Variants in DNAH11 observed in about 807,000 individuals in gnomAD.
DNAH11 encodes dynein axonemal heavy chain 11.
Under a neutral mutation model 526.0 loss-of-function variants are expected in DNAH11, and 442 were observed. The observed-to-expected ratio is 0.84, with a 90% CI of 0.78 to 0.91. The LOEUF (loss-of-function observed/expected upper bound fraction) is 0.91, where lower values mean the gene tolerates loss of function less well. Ranked by LOEUF, DNAH11 falls within the 40% of genes least tolerant of loss-of-function variation. The pLI, the probability that DNAH11 is intolerant of heterozygous loss-of-function variation, is 0.00. For missense variants in DNAH11, 6,989 were observed against 5,448.7 expected, an observed-to-expected ratio of 1.28 and a Z score of -8.90; for synonymous variants, 2,461 against 1,935.9, an observed-to-expected ratio of 1.27 and a Z score of -7.12.
chr7:21,673,356 C>T (rs751971771), intron 30 of DNAH11, among the ~76,000 whole-genome samples: 3 of 152,180 alleles, frequency 2.0e-5, no homozygotes, highest in Non-Finnish European at 4.4e-5. Context: ...GTGCCTACTT[C>T]GTAGAGTTGT....
chr7:21,564,060 AGGAACT>A (rs1783566063), intron 5 of DNAH11, 120 bp from the exon 6 acceptor site: 45 of 609,350 alleles, frequency 7.4e-5, no homozygotes, highest in South Asian at 3.2e-4. Context: ...GTAATATAAA[AGGAACT>A]ATGACAACAT....
At chr7:21,750,425 C>A in intron 54 of DNAH11, 61 bp downstream of exon 54, 1 of 1,533,420 alleles carries the variant, frequency 6.5e-7, no homozygotes, top group South Asian at 1.3e-5. Context: ...CTCTCTGGTT[C>A]TATTCTGAGT....
intron 66 of DNAH11, among the ~76,000 whole-genome samples, chr7:21,848,748 G>A (rs1004132452): frequency 2.6e-5 from 4 of 151,844 alleles, no homozygotes; most frequent in Non-Finnish European, 4.4e-5. Flanking sequence ...CATTTTATAT[G>A]ATTCTAGTAT....
At chr7:21,576,447 A>G (rs115237650) in intron 8 of DNAH11, among the ~76,000 whole-genome samples, 3,175 of 152,320 alleles carry the variant, frequency 0.021, 110 homozygotes, top group African/African-American at 0.071. Flanking sequence ...GAAGATCTTA[A>G]TACTGACTCA....
chr7:21,611,333 C>T (rs1279928230), intron 20 of DNAH11, among the ~76,000 whole-genome samples: 1 of 152,168 alleles, frequency 6.6e-6, no homozygotes, highest in South Asian at 2.1e-4. Context: ...ATTACCCTAT[C>T]AGCTTTCCTG....
chr7:21,831,431 G>A (rs989407739), intron 65 of DNAH11, among the ~76,000 whole-genome samples: 2 of 152,104 alleles, frequency 1.3e-5, no homozygotes, highest in Admixed American at 1.3e-4. Flanking sequence ...AAAACCCACT[G>A]AGTCATTATA....
At chr7:21,636,252 G>T (rs1180251712) in intron 26 of DNAH11, among the ~76,000 whole-genome samples, 157 bp downstream of exon 26, 1 of 152,190 alleles carries the variant, frequency 6.6e-6, no homozygotes, top group Non-Finnish European at 1.5e-5. Flanking sequence ...ATTTCAGGCT[G>T]TGTGGATCAT....
chr7:21,632,602 C>T (rs1054786006), intron 25 of DNAH11, among the ~76,000 whole-genome samples: 2 of 152,162 alleles, frequency 1.3e-5, no homozygotes, highest in Admixed American at 1.3e-4. Context: ...CCACCAGTCT[C>T]TTTGCTAAAA....
chr7:21,547,672 C>T (rs1782855373), intron 2 of DNAH11, among the ~76,000 whole-genome samples: 1 of 152,212 alleles, frequency 6.6e-6, no homozygotes, highest in Non-Finnish European at 1.5e-5. Flanking sequence ...GTTCCTTTAT[C>T]ATGACTTTCT....
chr7:21,641,494 C>G (rs1434052228), intron 28 of DNAH11, among the ~76,000 whole-genome samples: 1 of 152,192 alleles, frequency 6.6e-6, no homozygotes, highest in Non-Finnish European at 1.5e-5. Context: ...TGTGCACATA[C>G]TCACCACCTC....
At chr7:21,877,223 C>CTTT (rs542697482) in intron 74 of DNAH11, among the ~76,000 whole-genome samples, 2 of 151,792 alleles carry the variant, frequency 1.3e-5, no homozygotes, top group Non-Finnish European at 2.9e-5. Flanking sequence ...CTAATTAAAC[C>CTTT]TTTTTTTTCT....
At chr7:21,606,341 A>T in intron 18 of DNAH11, 85 bp from the exon 19 acceptor site, 1 of 1,131,234 alleles carries the variant, frequency 8.8e-7, no homozygotes, top group Non-Finnish European at 1.3e-6. Context: ...AAAAAAAAAG[A>T]AAGAAATTAG....
At position 21,560,029 on chromosome 7, in the gene DNAH11, G is replaced by A. The variant is rs535550225; in HGVS notation, c.882+237G>A. Among the ~76,000 whole-genome samples the A allele has an allele frequency of 1.1e-4, 17 of 152,274 alleles. No individual in the cohort carries two copies. In the South Asian group the frequency reaches 3.5e-3, roughly 32 times the overall value. On this transcript the variant is annotated intron_variant, in intron 4 of 81. Coordinates refer to ENST00000409508, the MANE Select transcript of DNAH11 (RefSeq NM_001277115.2). ...ATGATTGGAAATATTGTGCTACCTT[G>A]GAAGAGCAGTACTTACCCAGGGAAG...
chr7:21,629,481 C>G (rs1262571647), intron 25 of DNAH11, among the ~76,000 whole-genome samples: 7 of 152,082 alleles, frequency 4.6e-5, no homozygotes, highest in Admixed American at 2.6e-4. Flanking sequence ...CTTGGAAGAT[C>G]TGTCCATTTC....
intron 66 of DNAH11, chr7:21,851,705 C>T: frequency 2.1e-6 from 1 of 469,326 alleles, no homozygotes; most frequent in Non-Finnish European, 4.4e-6. Context: ...AATTCAAGCT[C>T]TACTTGCATG....
At chr7:21,813,290 A>C (rs1483880576) in intron 63 of DNAH11, among the ~76,000 whole-genome samples, 3 of 152,214 alleles carry the variant, frequency 2.0e-5, no homozygotes, top group Admixed American at 2.0e-4. Context: ...AGACAGAGCA[A>C]ATACATGGAG....
At chr7:21,708,966 C>T (rs1469818280) in intron 40 of DNAH11, among the ~76,000 whole-genome samples, 5 of 152,056 alleles carry the variant, frequency 3.3e-5, no homozygotes, top group African/African-American at 7.2e-5. Context: ...GAAAAGGGAC[C>T]GCTTATAGAC....
Position 21,594,057 on chromosome 7 carries a change from C to CACAT in DNAH11, c.2667+2483_2667+2484insTACA, listed in dbSNP as rs1179557717. Among the ~76,000 whole-genome samples, 280 of 126,604 alleles carry CACAT rather than the reference C, an allele frequency of 2.2e-3. 2 individuals are homozygous for CACAT. Among genetic ancestry groups the CACAT allele is most frequent in the Non-Finnish European group, 5.6e-4 (34 of 60,250 alleles). 83.1% of individuals were successfully genotyped at this position (126,604 alleles called of 152,430 possible). A position where few individuals can be genotyped will look rare whatever the true frequency, so the allele number is the denominator to read the frequency against. ...TCTCCCTCATGCACACTCTTTCATACACACATACACACACACACACACACA... is the reference window on the plus strand; with the variant it reads ...TCTCCCTCATGCACACTCTTTCATACACATACACATACACACACACACACACACA... On this transcript the variant is annotated intron_variant, in intron 14 of 81. Transcript: ENST00000409508.
intron 79 of DNAH11, 31 bp downstream of exon 79, chr7:21,895,030 C>G (rs761602416): frequency 1.3e-6 from 2 of 1,570,578 alleles, no homozygotes; most frequent in African/African-American, 1.4e-5. Flanking sequence ...TGCCACTGGC[C>G]CTGAGCAGCC....
Sources: allele counts gnomAD v4.1 joint callset (sites outside exome capture counted in the v4.1 genomes callset), GRCh38; gene constraint gnomAD v4.1.1; transcripts MANE v1.5; gene names NCBI Gene and HGNC (gene_info 2026-07-23, HGNC 2026-07-21).